CSMD1: variants seen among roughly 807,000 people sequenced by gnomAD.
CSMD1 encodes the protein CUB and Sushi multiple domains 1, also known as CUB and sushi domain-containing protein 1.
A neutral mutation model predicts 417.5 loss-of-function variants in CSMD1; 213 were observed. The ratio of observed to expected loss-of-function variants is 0.51; its 90% CI spans 0.46 to 0.57. CSMD1 has a LOEUF of 0.57. Ranked by LOEUF, CSMD1 falls within the 20% of genes least tolerant of loss-of-function variation. The probability of loss-of-function intolerance (pLI) is 0.00; values close to 1 mark genes in which losing one functional copy is unlikely to be tolerated. For missense variants in CSMD1, 6,923 were observed against 4,529.7 expected (o/e 1.53, Z -15.17); for synonymous variants, 2,862 against 1,736.8 (o/e 1.65, Z -16.11).
rs1312614027 is a variant in CSMD1 at position 3,104,705 on chromosome 8, C to CT, written c.6949+1822dup. ...ACAAAGTTATCAGACTTTTTTTTTT[C>CT]TTTTCTTTTTTTTTTTTTTTGAGAC... On this transcript the variant is annotated intron_variant, in intron 46 of 69. Transcript: ENST00000635120. 1.2e-4 allele frequency among the ~76,000 whole-genome samples: 13 copies of CT among 106,778 alleles called. No individual in the cohort carries two copies. In the East Asian group the frequency reaches 2.3e-3, roughly 19 times the overall value. 70.1% of individuals were successfully genotyped at this position (106,778 alleles called of 152,430 possible). A position where few individuals can be genotyped will look rare whatever the true frequency, so the allele number is the denominator to read the frequency against.
At chr8:4,435,568 T>C (rs116131248) in intron 2 of CSMD1, among the ~76,000 whole-genome samples, 4,093 of 152,262 alleles carry the variant, frequency 0.027, 192 homozygotes, top group African/African-American at 0.092. Context: ...ATGGCTGTCA[T>C]GCTCCCTTCC....
chr8:4,332,283 C>G (rs1799909882), intron 3 of CSMD1, among the ~76,000 whole-genome samples: 1 of 152,078 alleles, frequency 6.6e-6, no homozygotes. Flanking sequence ...GGGCTGTGCT[C>G]CAAGCCTCTC....
chr8:3,752,676 CAAA>C (rs200769696), intron 6 of CSMD1, among the ~76,000 whole-genome samples: 3,180 of 96,062 alleles, frequency 0.033, 29 homozygotes, highest in Middle Eastern at 0.062. Context: ...CCCCGCCTGG[CAAA>C]AAAAAAAAAA....
chr8:3,662,911 T>A (rs1004796811), intron 7 of CSMD1, among the ~76,000 whole-genome samples: 1 of 152,058 alleles, frequency 6.6e-6, no homozygotes, highest in Non-Finnish European at 1.5e-5. Flanking sequence ...ACCTAGATGA[T>A]GGGTTGATAG....
Position 3,223,782 on chromosome 8 carries a change from A to G in CSMD1, c.4431T>C (p.Cys1477=), listed in dbSNP as rs1798340762. 1 of 1,613,966 alleles carries G rather than the reference A, an allele frequency of 6.2e-7. No individual in the cohort carries two copies. ...YPQPYPPGKE[C]DWRVKVNPDF... is the part of the protein sequence containing the mutation. ...CCGGGTTCACTTTTACTCTCCAGTC[A>G]CATTCCTTCCCAGGAGGATACGGCT... The change falls in exon 28 of 70, where the codon TGT becomes TGC. Residue 1477 remains cysteine (C), a synonymous_variant. Coordinates refer to ENST00000635120, the MANE Select transcript of CSMD1 (RefSeq NM_033225.6).
intron 23 of CSMD1, among the ~76,000 whole-genome samples, chr8:3,336,227 G>C (rs955225713): frequency 2.6e-5 from 4 of 152,120 alleles, no homozygotes; most frequent in Non-Finnish European, 5.9e-5. Flanking sequence ...TCGTGTGTGA[G>C]TTACAATACA....
At chr8:4,505,325 T>A (rs1454031712) in intron 2 of CSMD1, among the ~76,000 whole-genome samples, 3 of 152,176 alleles carry the variant, frequency 2.0e-5, no homozygotes, top group African/African-American at 7.2e-5. Flanking sequence ...AACAGAAAAC[T>A]GAAAATAAGT....
chr8:3,203,732 A>T lies in CSMD1; in HGVS notation c.4984+1772T>A, dbSNP rs879353530. On this transcript the variant is annotated intron_variant, in intron 31 of 69. Coordinates refer to ENST00000635120, the MANE Select transcript of CSMD1 (RefSeq NM_033225.6). ...GGAGTGACTAAGGATGTTTATCACG[A>T]TACTAACATGCTTAGATTTGTGTTT... Among the ~76,000 whole-genome samples the T allele has an allele frequency of 9.2e-5, 14 of 152,324 alleles. 1 individual carries two copies. Among genetic ancestry groups the T allele is most frequent in the South Asian group, 6.2e-4 (3 of 4,824 alleles).
At chr8:4,179,304 C>G (rs1252348404) in intron 3 of CSMD1, among the ~76,000 whole-genome samples, 1 of 152,108 alleles carries the variant, frequency 6.6e-6, no homozygotes, top group Non-Finnish European at 1.5e-5. Flanking sequence ...CTTTGACAAA[C>G]CTGACAAAAC....
chr8:4,272,698 C>A (rs561008950), intron 3 of CSMD1, among the ~76,000 whole-genome samples: 4 of 152,252 alleles, frequency 2.6e-5, no homozygotes, highest in Admixed American at 2.6e-4. Context: ...ATTTGGAAGA[C>A]TGTACATTTT....
At chr8:4,453,814 CTTTTTTTTTTT>C (rs60422486) in intron 2 of CSMD1, among the ~76,000 whole-genome samples, 19 of 67,750 alleles carry the variant, frequency 2.8e-4, no homozygotes, top group African/African-American at 1.0e-3. Context: ...CAATTCGTTT[CTTTTTTTTTTT>C]TTTTTTTTTT....
At chr8:4,831,732 C>A (rs963364131) in intron 1 of CSMD1, among the ~76,000 whole-genome samples, 1 of 152,136 alleles carries the variant, frequency 6.6e-6, no homozygotes, top group Non-Finnish European at 1.5e-5. Context: ...ATGCCTGTAC[C>A]TGGCCTTGGG....
intron 3 of CSMD1, among the ~76,000 whole-genome samples, chr8:4,355,174 A>G (rs1462388966): frequency 2.6e-5 from 4 of 151,996 alleles, no homozygotes; most frequent in East Asian, 3.9e-4. Flanking sequence ...AGGCAGGAGA[A>G]TGGCGTGAAC....
chr8:4,092,508 G>C lies in CSMD1; in HGVS notation c.416-60409C>G, dbSNP rs538203961. Among the ~76,000 whole-genome samples, 8 of 151,970 alleles carry C rather than the reference G, an allele frequency of 5.3e-5. No homozygotes were observed. The East Asian group carries it at 5.8e-4, about 11-fold the overall frequency. On this transcript the variant is annotated intron_variant, in intron 3 of 69. Coordinates refer to ENST00000635120, the MANE Select transcript of CSMD1 (RefSeq NM_033225.6). ...AGCATATTGTCTTTAAGTTTCAGTA[G>C]GCATATTTAAAAAAAGAATAGAAGT...
At chr8:3,815,564 T>A (rs1004656020) in intron 5 of CSMD1, among the ~76,000 whole-genome samples, 1 of 151,032 alleles carries the variant, frequency 6.6e-6, no homozygotes, top group African/African-American at 2.4e-5. Context: ...TTTGAAAAAA[T>A]ACTGCTTTGA....
chr8:3,305,107 C>G (rs1804727115), intron 25 of CSMD1, among the ~76,000 whole-genome samples: 1 of 152,128 alleles, frequency 6.6e-6, no homozygotes, highest in South Asian at 2.1e-4. Flanking sequence ...CCTTGACCAA[C>G]TGGGCTCAAG....
At chr8:4,048,824 C>G (rs549945293) in intron 3 of CSMD1, among the ~76,000 whole-genome samples, 2 of 152,294 alleles carry the variant, frequency 1.3e-5, no homozygotes, top group African/African-American at 2.4e-5. Context: ...TTTATTCACT[C>G]AATAGTACAC....
At chr8:4,130,251 C>A (rs1223584732) in intron 3 of CSMD1, among the ~76,000 whole-genome samples, 1 of 152,050 alleles carries the variant, frequency 6.6e-6, no homozygotes, top group African/African-American at 2.4e-5. Context: ...GTTTGGAGAG[C>A]CAAGGATGTC....
intron 1 of CSMD1, among the ~76,000 whole-genome samples, chr8:4,688,236 T>C (rs1457119302): frequency 6.6e-6 from 1 of 152,200 alleles, no homozygotes; most frequent in Admixed American, 6.5e-5. Context: ...TCTTACGTCT[T>C]AGCTTCAGAT....
Sources: allele counts gnomAD v4.1 joint callset (sites outside exome capture counted in the v4.1 genomes callset), GRCh38; gene constraint gnomAD v4.1.1; transcripts MANE v1.5; gene names NCBI Gene and HGNC (gene_info 2026-07-23, HGNC 2026-07-21).